Variants in DOCK1 observed in about 807,000 individuals in gnomAD.
The protein encoded by DOCK1 is dedicator of cytokinesis 1, also known as dedicator of cytokinesis protein 1.
In DOCK1, 138 loss-of-function variants were observed where a neutral mutation model predicts 262.7. The observed-to-expected ratio is 0.53, with a 90% CI of 0.46 to 0.61. The LOEUF (loss-of-function observed/expected upper bound fraction) is 0.61. DOCK1 is among the 20% of genes least tolerant of loss of function. DOCK1 has a pLI of 0.00. For synonymous variants in DOCK1, 866 were observed against 867.4 expected, an observed-to-expected ratio of 1.00 and a Z score of 0.03; for missense variants, 1,908 against 2,370.7, an observed-to-expected ratio of 0.80 and a Z score of 4.05.
chr10:126,934,609 A>G (rs941960854), intron 1 of DOCK1, among the ~76,000 whole-genome samples: 3,723 of 152,214 alleles, frequency 0.024, 157 homozygotes, highest in African/African-American at 0.085. Flanking sequence ...CTTTAAATCC[A>G]CATTGCAGGT....
At chr10:127,410,634 A>G (rs535540119) in intron 42 of DOCK1, among the ~76,000 whole-genome samples, 16 of 152,196 alleles carry the variant, frequency 1.1e-4, no homozygotes, top group East Asian at 7.7e-4. Context: ...GTTGGCAGGG[A>G]CAGGGAAGAG....
At chr10:127,024,658 G>T in intron 14 of DOCK1, 27 bp from the exon 15 acceptor site, 1 of 1,586,970 alleles carries the variant, frequency 6.3e-7, no homozygotes. Context: ...GAGGTCTTAC[G>T]TGAGCTCTTT....
At chr10:127,281,092 C>T (rs1431982935) in intron 29 of DOCK1, among the ~76,000 whole-genome samples, 1 of 152,226 alleles carries the variant, frequency 6.6e-6, no homozygotes, top group African/African-American at 2.4e-5. Flanking sequence ...GACTTTGCTT[C>T]TGTGTTTCCA....
chr10:127,351,241 A>C (rs2063865342), intron 31 of DOCK1, among the ~76,000 whole-genome samples: 1 of 151,900 alleles, frequency 6.6e-6, no homozygotes, highest in Non-Finnish European at 1.5e-5. Flanking sequence ...CTGCTCACTC[A>C]CACCGTGGGT....
intron 29 of DOCK1, among the ~76,000 whole-genome samples, chr10:127,282,431 C>A (rs1235730341): frequency 6.6e-6 from 1 of 152,178 alleles, no homozygotes; most frequent in East Asian, 1.9e-4. Flanking sequence ...GCCTGCAGCT[C>A]ACCTGAGAGA....
chr10:126,928,731 A>C (rs2134166056), intron 1 of DOCK1, among the ~76,000 whole-genome samples: 1 of 152,314 alleles, frequency 6.6e-6, no homozygotes, highest in African/African-American at 2.4e-5. Context: ...ATGGAGGCAG[A>C]AGTGGGTGTT....
intron 48 of DOCK1, 149 bp downstream of exon 48, chr10:127,433,577 T>G: frequency 8.6e-7 from 1 of 1,162,510 alleles, no homozygotes; most frequent in South Asian, 1.8e-5. Context: ...TCCGAGACTT[T>G]CTGACCGTAG....
At chr10:127,435,678 G>A (rs1020572633) in intron 48 of DOCK1, among the ~76,000 whole-genome samples, 3 of 152,164 alleles carry the variant, frequency 2.0e-5, no homozygotes, top group African/African-American at 7.2e-5. Flanking sequence ...ACAGAAGAGT[G>A]GTGAATTGCA....
chr10:127,028,479 GA>G (rs1349498422), intron 16 of DOCK1, among the ~76,000 whole-genome samples: 1 of 152,188 alleles, frequency 6.6e-6, no homozygotes, highest in Non-Finnish European at 1.5e-5. Context: ...TACAGATGAG[GA>G]AACTGGGGCT....
At chr10:126,916,057 A>C (rs2032455606) in intron 1 of DOCK1, among the ~76,000 whole-genome samples, 1 of 152,098 alleles carries the variant, frequency 6.6e-6, no homozygotes, top group Non-Finnish European at 1.5e-5. Flanking sequence ...TATGGTGTGG[A>C]GTTTAGAGCA....
chr10:127,139,651 TG>T (rs1483470364), intron 27 of DOCK1, among the ~76,000 whole-genome samples: 2 of 152,200 alleles, frequency 1.3e-5, no homozygotes, highest in Non-Finnish European at 1.5e-5. Context: ...TTCCGTGATG[TG>T]GTGCACTAGA....
At chr10:127,121,012 C>T (rs761123846) in intron 25 of DOCK1, among the ~76,000 whole-genome samples, 1 of 152,022 alleles carries the variant, frequency 6.6e-6, no homozygotes, top group Non-Finnish European at 1.5e-5. Context: ...AAATTAAGAC[C>T]TAGAGAGTTT....
intron 27 of DOCK1, among the ~76,000 whole-genome samples, chr10:127,169,240 G>A (rs2054347404): frequency 6.6e-6 from 1 of 152,190 alleles, no homozygotes; most frequent in Non-Finnish European, 1.5e-5. Flanking sequence ...TGTATGGGCT[G>A]ATGAACAATT....
chr10:127,143,201 C>T (rs1273917558), intron 27 of DOCK1, among the ~76,000 whole-genome samples: 2 of 152,198 alleles, frequency 1.3e-5, no homozygotes, highest in African/African-American at 4.8e-5. Context: ...CTGCAGTCGT[C>T]CATGTGTAAC....
intron 27 of DOCK1, among the ~76,000 whole-genome samples, chr10:127,166,781 T>C (rs1344817342): frequency 6.6e-6 from 1 of 152,210 alleles, no homozygotes; most frequent in African/African-American, 2.4e-5. Flanking sequence ...TTTCATTTTT[T>C]TTTTAAATCC....
At position 127,373,879 on chromosome 10, in the gene DOCK1, T is replaced by G. The variant is rs564057693; in HGVS notation, c.3518+13T>G. On this transcript the variant is annotated intron_variant, in intron 34 of 51. Transcript: ENST00000623213. Reference sequence around the variant, plus strand: ...TATTTGATAAAATGTAAGTGTTGATTAGCAGTGGGATTTATGTCTGAGAGA... The same window carrying G: ...TATTTGATAAAATGTAAGTGTTGATGAGCAGTGGGATTTATGTCTGAGAGA... The G allele has an allele frequency of 6.3e-7, 1 of 1,595,442 alleles. No homozygotes were observed. The highest frequency in any genetic ancestry group is 2.2e-5 in the East Asian group (1 of 44,490).
At chr10:127,088,547 G>T (rs917023069) in intron 23 of DOCK1, among the ~76,000 whole-genome samples, 3 of 152,124 alleles carry the variant, frequency 2.0e-5, no homozygotes, top group Non-Finnish European at 2.9e-5. Context: ...AAATAACAAT[G>T]ATTATGGTGC....
At chr10:127,019,668 G>C (rs570954292) in intron 13 of DOCK1, among the ~76,000 whole-genome samples, 4 of 152,312 alleles carry the variant, frequency 2.6e-5, no homozygotes, top group East Asian at 1.9e-4. Context: ...GGAATCACTT[G>C]AACCTGGGAG....
intron 1 of DOCK1, among the ~76,000 whole-genome samples, chr10:126,942,345 G>A (rs1035503076): frequency 4.5e-4 from 68 of 152,120 alleles, no homozygotes; most frequent in African/African-American, 1.6e-3. Context: ...TTTTCTGAGT[G>A]TTTTGTGAGT....
Sources: allele counts gnomAD v4.1 joint callset (sites outside exome capture counted in the v4.1 genomes callset), GRCh38; gene constraint gnomAD v4.1.1; transcripts MANE v1.5; gene names NCBI Gene and HGNC (gene_info 2026-07-23, HGNC 2026-07-21).